Variants in SGCD observed in about 807,000 individuals in gnomAD.
The protein encoded by SGCD is delta-sarcoglycan.
Under a neutral mutation model 36.6 loss-of-function variants are expected in SGCD, and 18 were observed. The ratio of observed to expected loss-of-function variants is 0.49; its 90% CI spans 0.34 to 0.73. The LOEUF (loss-of-function observed/expected upper bound fraction) is 0.73. SGCD is among the 30% of genes least tolerant of loss of function. SGCD has a pLI of 0.01. For synonymous variants in SGCD, 133 were observed against 130.6 expected (o/e 1.02, Z -0.12); for missense variants, 387 against 346.7 (o/e 1.12, Z -0.92).
intron 4 of SGCD, among the ~76,000 whole-genome samples, chr5:156,581,541 G>A (rs1760256875): frequency 6.6e-6 from 1 of 152,160 alleles, no homozygotes; most frequent in Admixed American, 6.5e-5. Context: ...AGTCTACAGA[G>A]GCAGCAGGCC....
At chr5:156,341,339 A>AT (rs1030511171) in intron 2 of SGCD, among the ~76,000 whole-genome samples, 2 of 151,770 alleles carry the variant, frequency 1.3e-5, no homozygotes, top group African/African-American at 4.8e-5. Flanking sequence ...ATTTTATTTT[A>AT]TTTTTTTGCT....
At chr5:156,590,497 CTAAA>C (rs1319742969) in intron 5 of SGCD, among the ~76,000 whole-genome samples, 1 of 152,126 alleles carries the variant, frequency 6.6e-6, no homozygotes, top group Non-Finnish European at 1.5e-5. Flanking sequence ...AGTCACAATG[CTAAA>C]TAATTAAATA....
chr5:156,192,498 A>G (rs1404581989), intron 3 of SGCD, among the ~76,000 whole-genome samples: 1 of 152,082 alleles, frequency 6.6e-6, no homozygotes, highest in Non-Finnish European at 1.5e-5. Context: ...AGGGGAATGA[A>G]GAGAGGTAAG....
chr5:156,297,693 C>T (rs546097891), intron 3 of SGCD, among the ~76,000 whole-genome samples: 9 of 151,178 alleles, frequency 6.0e-5, no homozygotes, highest in South Asian at 2.1e-4. Flanking sequence ...TGCTAGATGA[C>T]GAGTTAGTGG....
chr5:156,760,719 G>A lies in SGCD; in HGVS notation c.*1329G>A, dbSNP rs1757484843. ...ACCCCACCTTCATCATCATGCTCCAGGGTCACCCTGGCCAGCTCTTGTGCT... is the reference window on the plus strand; with the variant it reads ...ACCCCACCTTCATCATCATGCTCCAAGGTCACCCTGGCCAGCTCTTGTGCT... On this transcript the variant is annotated 3_prime_UTR_variant, in exon 9 of 9. Transcript: ENST00000337851. The A allele has an allele frequency of 6.6e-6, 1 of 152,666 alleles. No homozygotes were observed. Among genetic ancestry groups the A allele is most frequent in the Admixed American group, 6.6e-5 (1 of 15,266 alleles). The allele number at this position is 152,666 out of a possible 1,614,324, so 9.5% of individuals were successfully genotyped here.
intron 1 of SGCD, among the ~76,000 whole-genome samples, chr5:156,000,430 T>C (rs1758640727): frequency 6.6e-6 from 1 of 152,230 alleles, no homozygotes; most frequent in Non-Finnish European, 1.5e-5. Context: ...AGAGAAGGGC[T>C]GAGCAGAGGG....
chr5:155,985,200 G>C (rs56267022), intron 1 of SGCD, among the ~76,000 whole-genome samples: 6,893 of 152,218 alleles, frequency 0.045, 543 homozygotes, highest in African/African-American at 0.16. Context: ...GGATGGTTCA[G>C]CTGGTTCTTT....
chr5:156,425,897 G>A (rs146193796), intron 3 of SGCD, among the ~76,000 whole-genome samples: 1 of 152,104 alleles, frequency 6.6e-6, no homozygotes, highest in African/African-American at 2.4e-5. Context: ...ATTTCATTCT[G>A]TTTTATGGCT....
At chr5:156,430,659 T>A (rs1445597510) in intron 3 of SGCD, among the ~76,000 whole-genome samples, 1 of 151,648 alleles carries the variant, frequency 6.6e-6, no homozygotes, top group East Asian at 1.9e-4. Flanking sequence ...TTGGACTATG[T>A]TTTTTTTTAT....
chr5:156,483,969 T>A (rs748609754), intron 3 of SGCD, among the ~76,000 whole-genome samples: 14 of 152,194 alleles, frequency 9.2e-5, no homozygotes, highest in Non-Finnish European at 1.9e-4. Flanking sequence ...TGAAGGTTAA[T>A]CTGCAGCAGC....
At chr5:156,451,430 G>C (rs892294758) in intron 3 of SGCD, among the ~76,000 whole-genome samples, 2 of 152,092 alleles carry the variant, frequency 1.3e-5, no homozygotes, top group African/African-American at 2.4e-5. Context: ...GTCCTGTTAA[G>C]GAATTTTTAA....
At chr5:155,862,093 G>A in the SGCD span, among the ~76,000 whole-genome samples, 3 of 152,162 alleles carry the variant, frequency 2.0e-5, no homozygotes, top group Non-Finnish European at 4.4e-5. Context: ...CACATGTCTC[G>A]TGGCACTTTC....
At position 156,003,709 on chromosome 5, in the gene SGCD, T is replaced by A. The variant is rs374887415; in HGVS notation, c.-281-114169T>A. On this transcript the variant is annotated intron_variant, in intron 1 of 9. Coordinates refer to the SGCD transcript ENST00000517913. ...GAACTGAAATCAATACTACTTAATA[T>A]CTAAATTTCATTTTGAAATGTGACT... Among the ~76,000 whole-genome samples, 3 of 152,308 alleles carry A rather than the reference T, an allele frequency of 2.0e-5. No homozygotes were observed. In the East Asian group the frequency reaches 5.8e-4, roughly 29 times the overall value.
chr5:156,728,603 C>G (rs72803030), intron 7 of SGCD, among the ~76,000 whole-genome samples: 9,580 of 151,520 alleles, frequency 0.063, 420 homozygotes, highest in African/African-American at 0.12. Context: ...AGTGCCCCCC[C>G]ACCACCACCC....
chr5:156,442,353 T>C (rs1438374356), intron 3 of SGCD, among the ~76,000 whole-genome samples: 1 of 152,186 alleles, frequency 6.6e-6, no homozygotes, highest in Non-Finnish European at 1.5e-5. Flanking sequence ...TGGTTTACAT[T>C]GGTTTAAACC....
upstream of SGCD, among the ~76,000 whole-genome samples, chr5:155,867,230 G>C (rs184484079): frequency 6.6e-6 from 1 of 152,224 alleles, no homozygotes; most frequent in Admixed American, 6.5e-5. Flanking sequence ...AGAAAATCTT[G>C]ATCATTCAGC....
chr5:156,060,817 A>G (rs1005290620), intron 1 of SGCD, among the ~76,000 whole-genome samples: 1 of 146,080 alleles, frequency 6.8e-6, no homozygotes, highest in African/African-American at 2.5e-5. Flanking sequence ...GACATTAAAT[A>G]ATTTTACTTA....
intron 1 of SGCD, among the ~76,000 whole-genome samples, chr5:155,955,298 G>A (rs1581010377): frequency 6.6e-6 from 1 of 152,218 alleles, no homozygotes; most frequent in Middle Eastern, 3.4e-3. Context: ...GTAAGTAAAT[G>A]AATTCAATAA....
chr5:155,788,493 A>G, the SGCD span, among the ~76,000 whole-genome samples: 1 of 152,140 alleles, frequency 6.6e-6, no homozygotes, highest in Non-Finnish European at 1.5e-5. Context: ...CTATATCAAG[A>G]TACATCTATG....
Sources: allele counts gnomAD v4.1 joint callset (sites outside exome capture counted in the v4.1 genomes callset), GRCh38; gene constraint gnomAD v4.1.1; transcripts MANE v1.5; gene names NCBI Gene and HGNC (gene_info 2026-07-23, HGNC 2026-07-21).